Variants in MACROD2 observed in about 807,000 individuals in gnomAD.
MACROD2 encodes the protein mono-ADP ribosylhydrolase 2, also known as ADP-ribose glycohydrolase MACROD2.
In MACROD2, 36 loss-of-function variants were observed where a neutral mutation model predicts 70.4. The ratio of observed to expected loss-of-function variants is 0.51; its 90% CI spans 0.39 to 0.68. MACROD2 has a LOEUF of 0.68. Among genes scored for constraint, MACROD2 ranks in the 30% least tolerant of loss-of-function variants. MACROD2 has a pLI of 0.00. For missense variants in MACROD2, 496 were observed against 538.4 expected (o/e 0.92, Z 0.78); for synonymous variants, 172 against 178.8 (o/e 0.96, Z 0.30).
intron 5 of MACROD2, among the ~76,000 whole-genome samples, chr20:15,212,552 G>A (rs1419873309): frequency 6.6e-6 from 1 of 151,978 alleles, no homozygotes; most frequent in African/African-American, 2.4e-5. Context: ...ATTAGTGTGT[G>A]CGACAACAGG....
chr20:15,344,806 G>T (rs2078147224), intron 6 of MACROD2, among the ~76,000 whole-genome samples: 1 of 152,192 alleles, frequency 6.6e-6, no homozygotes, highest in Admixed American at 6.5e-5. Flanking sequence ...AACAGTTAGT[G>T]AGTTATTCAA....
rs141079460 is a variant in MACROD2, at chr20:15,955,747, T to C, written c.908-11806T>C. On this transcript the variant is annotated intron_variant, in intron 12 of 17. Coordinates refer to ENST00000684519, the MANE Select transcript of MACROD2 (RefSeq NM_001351661.2). ...AGAAAAAAAAGGAAAATAATTTTAATTATACATTTTATTTAACCATTATAT... is the reference window on the plus strand; with the variant it reads ...AGAAAAAAAAGGAAAATAATTTTAACTATACATTTTATTTAACCATTATAT... Among the ~76,000 whole-genome samples, 1,230 of 152,308 alleles carry C rather than the reference T, an allele frequency of 8.1e-3. 9 individuals carry two copies. The highest frequency in any genetic ancestry group is 0.013 in the Non-Finnish European group (884 of 68,016).
intron 8 of MACROD2, among the ~76,000 whole-genome samples, chr20:15,608,070 T>C (rs1555847545): frequency 6.6e-6 from 1 of 152,210 alleles, no homozygotes; most frequent in Non-Finnish European, 1.5e-5. Context: ...GGAAGAGGAA[T>C]ATAAAGAATT....
chr20:14,441,721 T>C (rs2084125652), intron 3 of MACROD2, among the ~76,000 whole-genome samples: 1 of 152,200 alleles, frequency 6.6e-6, no homozygotes, highest in East Asian at 1.9e-4. Flanking sequence ...TGGAAATGTC[T>C]GCTGGCATAT....
chr20:14,719,312 C>T (rs1371339742), intron 5 of MACROD2, among the ~76,000 whole-genome samples: 2 of 151,610 alleles, frequency 1.3e-5, no homozygotes, highest in East Asian at 3.9e-4. Context: ...AAACTCTCTC[C>T]TACTTTTGTC....
chr20:15,025,127 A>G, intron 5 of MACROD2, among the ~76,000 whole-genome samples: 1 of 152,122 alleles, frequency 6.6e-6, no homozygotes, highest in South Asian at 2.1e-4. Context: ...CATGAAGACT[A>G]TTTTTTCACA....
intron 15 of MACROD2, among the ~76,000 whole-genome samples, chr20:16,018,208 G>T (rs548045928): frequency 6.6e-6 from 1 of 152,218 alleles, no homozygotes; most frequent in African/African-American, 2.4e-5. Context: ...GAGAAATTAA[G>T]TGCCTAGAAT....
intron 8 of MACROD2, among the ~76,000 whole-genome samples, chr20:15,679,610 C>G (rs775216965): frequency 2.0e-5 from 3 of 152,196 alleles, no homozygotes; most frequent in African/African-American, 4.8e-5. Context: ...TTAGCACTCT[C>G]AGAGCTTTGA....
chr20:15,902,520 T>C (rs1483044383), intron 10 of MACROD2, among the ~76,000 whole-genome samples: 1 of 152,130 alleles, frequency 6.6e-6, no homozygotes, highest in African/African-American at 2.4e-5. Context: ...GGAGTTTCTG[T>C]CAGTCAGGAA....
chr20:15,857,006 C>T (rs890806513), intron 8 of MACROD2, among the ~76,000 whole-genome samples: 1 of 152,174 alleles, frequency 6.6e-6, no homozygotes, highest in African/African-American at 2.4e-5. Flanking sequence ...CTTCATTGCT[C>T]TTCTCTACAT....
At chr20:14,721,020 C>T (rs1237333278) in intron 5 of MACROD2, among the ~76,000 whole-genome samples, 4 of 151,826 alleles carry the variant, frequency 2.6e-5, no homozygotes, top group African/African-American at 7.2e-5. Context: ...TTAGGGAGGC[C>T]GAGGCGGGTG....
chr20:15,629,307 G>T (rs890752902), intron 8 of MACROD2, among the ~76,000 whole-genome samples: 1 of 152,094 alleles, frequency 6.6e-6, no homozygotes. Context: ...TTTCTGACGC[G>T]ACTGTTTTGA....
At chr20:14,749,635 A>T (rs2071843645) in intron 5 of MACROD2, among the ~76,000 whole-genome samples, 1 of 152,164 alleles carries the variant, frequency 6.6e-6, no homozygotes. Flanking sequence ...CTGTAACTGA[A>T]TATGTAACTT....
intron 3 of MACROD2, among the ~76,000 whole-genome samples, chr20:14,287,276 G>A (rs2082352751): frequency 6.6e-6 from 1 of 152,120 alleles, no homozygotes; most frequent in Non-Finnish European, 1.5e-5. Flanking sequence ...CCTCCAAAAA[G>A]TCTAGAAGTG....
intron 3 of MACROD2, among the ~76,000 whole-genome samples, chr20:14,217,373 G>T (rs558010647): frequency 2.6e-5 from 4 of 152,224 alleles, no homozygotes; most frequent in African/African-American, 9.6e-5. Flanking sequence ...GATCATGGTG[G>T]ATTACCTTTT....
chr20:14,280,088 ATATTC>A (rs1352821579), intron 3 of MACROD2, among the ~76,000 whole-genome samples: 1 of 152,174 alleles, frequency 6.6e-6, no homozygotes, highest in African/African-American at 2.4e-5. Flanking sequence ...TAATGGGAGA[ATATTC>A]TATGATATCT....
chr20:15,147,531 ATC>A (rs11468117), intron 5 of MACROD2, among the ~76,000 whole-genome samples: 1 of 151,046 alleles, frequency 6.6e-6, no homozygotes, highest in African/African-American at 2.4e-5. Context: ...CTTTCTAGCA[ATC>A]TCTCTCTCTA....
intron 8 of MACROD2, among the ~76,000 whole-genome samples, chr20:15,744,433 T>A (rs772284683): frequency 2.0e-5 from 3 of 152,212 alleles, no homozygotes; most frequent in Non-Finnish European, 4.4e-5. Flanking sequence ...TTGAAGGTAC[T>A]AAGCTTACTG....
intron 5 of MACROD2, among the ~76,000 whole-genome samples, chr20:15,217,843 A>G (rs1205004745): frequency 6.6e-6 from 1 of 152,106 alleles, no homozygotes. Context: ...CATCTGAATT[A>G]CTGTGGAAAG....
Sources: gnomAD v4.1 joint callset for allele counts (sites outside exome capture counted in the v4.1 genomes callset) on GRCh38, gnomAD v4.1.1 for gene constraint, MANE v1.5 for transcripts, NCBI Gene and HGNC (gene_info 2026-07-23, HGNC 2026-07-21) for gene names.